Variants in RAB5C observed in about 807,000 individuals in gnomAD.
RAB5C encodes the protein ras-related protein Rab-5C.
Under a neutral mutation model 25.2 loss-of-function variants are expected in RAB5C, and 4 were observed. That is an observed-to-expected ratio of 0.16 (90% CI 0.08 to 0.36). RAB5C has a LOEUF of 0.36. Among genes scored for constraint, RAB5C ranks in the 10% least tolerant of loss-of-function variants. The pLI, the probability that RAB5C is intolerant of heterozygous loss-of-function variation, is 1.00. For missense variants in RAB5C, 199 were observed against 283.8 expected (o/e 0.70, Z 2.15); for synonymous variants, 100 against 106.4 (o/e 0.94, Z 0.37).
intron 2 of RAB5C, 81 bp from the exon 3 acceptor site, chr17:42,128,881 G>A: frequency 8.0e-7 from 1 of 1,257,138 alleles, no homozygotes. Flanking sequence ...TCTAGGCTCT[G>A]GCACTCAGAA....
At chr17:42,151,187 A>G (rs1373369605) in intron 1 of RAB5C, among the ~76,000 whole-genome samples, 2 of 152,214 alleles carry the variant, frequency 1.3e-5, no homozygotes, top group Non-Finnish European at 2.9e-5. Flanking sequence ...CTGTAATCCC[A>G]GCACTTTGGG....
chr17:42,140,376 T>A, intron 1 of RAB5C, among the ~76,000 whole-genome samples: 1 of 150,806 alleles, frequency 6.6e-6, no homozygotes, highest in Middle Eastern at 3.2e-3. Context: ...ACACACACCG[T>A]GGTCAGCGGC....
At chr17:42,141,440 G>T (rs531734029) in intron 1 of RAB5C, among the ~76,000 whole-genome samples, 1 of 152,352 alleles carries the variant, frequency 6.6e-6, no homozygotes, top group South Asian at 2.1e-4. Context: ...TAGTAGGTGA[G>T]CACAGATACG....
intron 1 of RAB5C, among the ~76,000 whole-genome samples, chr17:42,134,468 T>C (rs991618618): frequency 6.6e-6 from 1 of 152,154 alleles, no homozygotes; most frequent in Non-Finnish European, 1.5e-5. Context: ...TCCCAGCTAC[T>C]TGGGAGGCTG....
At chr17:42,131,801 A>C in intron 1 of RAB5C, 1 of 564,748 alleles carries the variant, frequency 1.8e-6, no homozygotes, top group Non-Finnish European at 3.2e-6. Flanking sequence ...CAGACACATG[A>C]GGAGCCTATC....
intron 1 of RAB5C, among the ~76,000 whole-genome samples, chr17:42,151,122 G>A (rs983003264): frequency 1.3e-5 from 2 of 152,146 alleles, no homozygotes; most frequent in Non-Finnish European, 2.9e-5. Flanking sequence ...CACACTGCCT[G>A]TTTACTGGGC....
chr17:42,142,447 G>A (rs2079608942), intron 1 of RAB5C, among the ~76,000 whole-genome samples: 1 of 152,202 alleles, frequency 6.6e-6, no homozygotes, highest in African/African-American at 2.4e-5. Flanking sequence ...TAGAGCAGCT[G>A]ACAAAGAAAG....
intron 1 of RAB5C, among the ~76,000 whole-genome samples, chr17:42,153,288 C>G (rs537410581): frequency 6.6e-5 from 10 of 151,814 alleles, no homozygotes; most frequent in Admixed American, 5.9e-4. Flanking sequence ...TGGTGGCAGG[C>G]GCCTGTTAAT....
chr17:42,154,160 A>G (rs1037665292), intron 1 of RAB5C, among the ~76,000 whole-genome samples: 11 of 152,258 alleles, frequency 7.2e-5, no homozygotes, highest in African/African-American at 2.6e-4. Context: ...AAAGAAGATA[A>G]TGAATGGGCA....
chr17:42,149,853 G>A (rs2079658437), intron 1 of RAB5C, among the ~76,000 whole-genome samples: 1 of 147,626 alleles, frequency 6.8e-6, no homozygotes, highest in African/African-American at 2.5e-5. Flanking sequence ...TAGACATGGG[G>A]TCTCATTATG....
chr17:42,138,563 G>C (rs971668754), intron 1 of RAB5C, among the ~76,000 whole-genome samples: 1 of 152,144 alleles, frequency 6.6e-6, no homozygotes, highest in Non-Finnish European at 1.5e-5. Flanking sequence ...AGGTGAGCTG[G>C]GTCCCCTTCC....
rs1598240975 is a variant in RAB5C at position 42,125,680 on chromosome 17, C to G, written c.*103G>C. On this transcript the variant is annotated 3_prime_UTR_variant, in exon 6 of 6. Transcript: ENST00000346213. ...AATCATGGTGGACCCCTCCCCCTGC[C>G]CCCCCAGTGGTGGCCCGAGTCGTTA... The G allele has an allele frequency of 1.3e-6, 1 of 748,504 alleles. No homozygotes were observed. Among genetic ancestry groups the G allele is most frequent in the Admixed American group, 2.5e-5 (1 of 40,658 alleles). The allele number at this position is 748,504 out of a possible 1,614,324, so 46.4% of individuals were successfully genotyped here.
chr17:42,154,756 G>A (rs895697362), intron 1 of RAB5C, 137 bp downstream of exon 1: 7 of 152,396 alleles, frequency 4.6e-5, no homozygotes, highest in African/African-American at 1.7e-4. Context: ...CCGACGCCTG[G>A]GGAGCCCCTC....
chr17:42,125,731 A>G lies in RAB5C; in HGVS notation c.*52T>C, dbSNP rs782799588. On this transcript the variant is annotated 3_prime_UTR_variant, in exon 6 of 6. Transcript: ENST00000346213. ...AGTGCGATTGGTTAGAGTGGATTCC[A>G]GTCGGGTCATTCAGGCGGAGGAGGC... 3.8e-4 allele frequency: 507 copies of G among 1,319,882 alleles called. 3 individuals are homozygous for G. The Middle Eastern group carries it at 6.7e-3, about 17-fold the overall frequency. The allele number at this position is 1,319,882 out of a possible 1,614,324, so 81.8% of individuals were successfully genotyped here.
intron 2 of RAB5C, 137 bp from the exon 3 acceptor site, chr17:42,128,937 A>G (rs971697512): frequency 1.5e-5 from 12 of 817,778 alleles, no homozygotes; most frequent in Non-Finnish European, 1.8e-5. Context: ...CCAGGAGCCA[A>G]AGCAGGCCTG....
rs1329859243 is a variant in RAB5C, at chr17:42,130,472, T to C, written c.31A>G (p.Asn11Asp). MAGRGGAARP[N>D]GPAAGNKICQ... ...ATCTTGTTCCCAGCAGCTGGTCCAT[T>C]GGGTCGTGCTGCGCCTCCCCGACCC... is the stretch of plus-strand genomic sequence containing the variant. The change falls in exon 2 of 6, where the codon AAT becomes GAT. Residue 11 changes from asparagine (N) to aspartate (D), a missense_variant. By Grantham distance (23) the Asn-to-Asp change is conservative. This residue lies in a region of RAB5C where 21 missense variants were observed against 20.2 expected (regional missense o/e 1.04). Coordinates refer to ENST00000346213, the MANE Select transcript of RAB5C (RefSeq NM_004583.4). 6.2e-7 allele frequency: 1 copy of C among 1,614,036 alleles called. No individual in the cohort carries two copies. The highest frequency in any genetic ancestry group is 1.3e-5 in the African/African-American group (1 of 74,994).
chr17:42,129,770 C>A (rs373414516), intron 2 of RAB5C, among the ~76,000 whole-genome samples: 1 of 152,244 alleles, frequency 6.6e-6, no homozygotes, highest in Admixed American at 6.5e-5. Flanking sequence ...CCAAGGCCAG[C>A]GTTGGCCCCT....
chr17:42,130,473 G>A lies in RAB5C; in HGVS notation c.30C>T (p.Pro10=), dbSNP rs1354136172. 2 of 1,614,122 alleles carry A rather than the reference G, an allele frequency of 1.2e-6. No homozygotes were observed. The highest frequency in any genetic ancestry group is 1.7e-5 in the Admixed American group (1 of 60,012). The change falls in exon 2 of 6, where the codon CCC becomes CCT. Residue 10 remains proline (P), a synonymous_variant. Coordinates refer to ENST00000346213, the MANE Select transcript of RAB5C (RefSeq NM_004583.4). MAGRGGAAR[P]NGPAAGNKIC... ...TCTTGTTCCCAGCAGCTGGTCCATTGGGTCGTGCTGCGCCTCCCCGACCCG... is the reference window on the plus strand; with the variant it reads ...TCTTGTTCCCAGCAGCTGGTCCATTAGGTCGTGCTGCGCCTCCCCGACCCG...
At chr17:42,125,949 C>T in intron 5 of RAB5C, 51 bp from the exon 6 acceptor site, 1 of 1,376,902 alleles carries the variant, frequency 7.3e-7, no homozygotes, top group Non-Finnish European at 1.0e-6. Flanking sequence ...CAATAACTCT[C>T]CCAGTTCCAC....
Sources: gnomAD v4.1 joint callset for allele counts (sites outside exome capture counted in the v4.1 genomes callset) on GRCh38, gnomAD v4.1.1 for gene constraint, gnomAD v4.1.1 regional missense constraint, MANE v1.5 for transcripts, NCBI Gene and HGNC (gene_info 2026-07-23, HGNC 2026-07-21) for gene names.